PPP6R3: variants seen among roughly 807,000 people sequenced by gnomAD.
PPP6R3 encodes the protein protein phosphatase 6 regulatory subunit 3.
In PPP6R3, 38 loss-of-function variants were observed where a neutral mutation model predicts 110.7. The ratio of observed to expected loss-of-function variants is 0.34; its 90% CI spans 0.26 to 0.45. PPP6R3 has a LOEUF of 0.45. PPP6R3 is among the 20% of genes least tolerant of loss of function. The probability of loss-of-function intolerance (pLI) is 1.00; values close to 1 mark genes in which losing one functional copy is unlikely to be tolerated. For missense variants in PPP6R3, 870 were observed against 1,062.4 expected (o/e 0.82, Z 2.52); for synonymous variants, 369 against 373.5 (o/e 0.99, Z 0.14).
chr11:68,594,343 A>AGAGAGAGAGAGAGAGAGT (rs1252828026), intron 18 of PPP6R3, among the ~76,000 whole-genome samples: 143 of 148,408 alleles, frequency 9.6e-4, no homozygotes, highest in African/African-American at 3.4e-3. Flanking sequence ...AGTGAGAGAG[A>AGAGAGAGAGAGAGAGAGT]GAGTGAGAGA....
At chr11:68,532,451 C>T (rs756844852) in intron 2 of PPP6R3, among the ~76,000 whole-genome samples, 1 of 152,210 alleles carries the variant, frequency 6.6e-6, no homozygotes, top group Non-Finnish European at 1.5e-5. Context: ...CTTAATCCAA[C>T]TTACAAAAAA....
rs558477146 is a variant in PPP6R3, at chr11:68,563,292, C to T, written c.846-1011C>T. Among the ~76,000 whole-genome samples, 42 of 152,290 alleles carry T rather than the reference C, an allele frequency of 2.8e-4. 1 individual carries two copies. In the South Asian group the frequency reaches 7.1e-3, roughly 26 times the overall value. On this transcript the variant is annotated intron_variant, in intron 8 of 23. Transcript: ENST00000393800. ...TGGTGCTAGATTCCTTTCAGAGATACTAAGGCATTCCTCTTCCAGCTTCTA... is the reference window on the plus strand; with the variant it reads ...TGGTGCTAGATTCCTTTCAGAGATATTAAGGCATTCCTCTTCCAGCTTCTA...
Position 68,613,584 on chromosome 11 carries a change from G to A in PPP6R3, c.*467G>A. The A allele has an allele frequency of 1.0e-6, 1 of 986,040 alleles. No individual in the cohort carries two copies. The highest frequency in any genetic ancestry group is 1.2e-6 in the Non-Finnish European group (1 of 830,148). The allele number at this position is 986,040 out of a possible 1,614,324, so 61.1% of individuals were successfully genotyped here. A position where few individuals can be genotyped will look rare whatever the true frequency, so the allele number is the denominator to read the frequency against. Reference sequence around the variant, plus strand: ...CATTTTTCCTCCAGGCCGACAAGGAGTTGTAGAATGAAAATGCCCTCTAAG... The same window carrying A: ...CATTTTTCCTCCAGGCCGACAAGGAATTGTAGAATGAAAATGCCCTCTAAG... On this transcript the variant is annotated 3_prime_UTR_variant, in exon 24 of 24. Coordinates refer to ENST00000393800, the MANE Select transcript of PPP6R3 (RefSeq NM_001164161.2).
intron 14 of PPP6R3, among the ~76,000 whole-genome samples, chr11:68,581,697 C>G (rs1343158514): frequency 6.6e-6 from 1 of 152,242 alleles, no homozygotes; most frequent in Non-Finnish European, 1.5e-5. Context: ...TACACTCTGG[C>G]AAGGCTTTCC....
At chr11:68,570,048 T>C (rs966751132) in intron 11 of PPP6R3, 151 bp downstream of exon 11, 1 of 680,486 alleles carries the variant, frequency 1.5e-6, no homozygotes, top group Non-Finnish European at 2.3e-6. Context: ...ACTTTTAACA[T>C]ATAAATCATT....
intron 1 of PPP6R3, among the ~76,000 whole-genome samples, chr11:68,469,110 T>G (rs1266553724): frequency 6.6e-6 from 1 of 152,240 alleles, no homozygotes; most frequent in Non-Finnish European, 1.5e-5. Context: ...GTAAATATTT[T>G]AGGCATTGGA....
At chr11:68,568,140 A>G (rs1348749257) in intron 10 of PPP6R3, among the ~76,000 whole-genome samples, 1 of 152,078 alleles carries the variant, frequency 6.6e-6, no homozygotes, top group Non-Finnish European at 1.5e-5. Context: ...AGTATAGAGC[A>G]CAGAAAACAG....
At chr11:68,568,494 T>G (rs2099488343) in intron 10 of PPP6R3, among the ~76,000 whole-genome samples, 1 of 152,178 alleles carries the variant, frequency 6.6e-6, no homozygotes, top group African/African-American at 2.4e-5. Flanking sequence ...AAATATGGCA[T>G]TTTGTACTTT....
At chr11:68,549,850 T>C (rs1308703229) in intron 5 of PPP6R3, among the ~76,000 whole-genome samples, 1 of 152,108 alleles carries the variant, frequency 6.6e-6, no homozygotes, top group East Asian at 1.9e-4. Flanking sequence ...CCCCTAAATG[T>C]CTTTTGATTT....
chr11:68,489,371 C>G (rs1018039630), intron 1 of PPP6R3, among the ~76,000 whole-genome samples: 7 of 152,126 alleles, frequency 4.6e-5, no homozygotes, highest in Admixed American at 3.9e-4. Context: ...TTTTTATCTT[C>G]TTTCTTAGCA....
chr11:68,470,274 A>C (rs956721850), intron 1 of PPP6R3, among the ~76,000 whole-genome samples: 5 of 152,162 alleles, frequency 3.3e-5, no homozygotes, highest in Non-Finnish European at 7.3e-5. Flanking sequence ...GAAATACAGC[A>C]GTCAACAGAA....
At position 68,614,939 on chromosome 11, in the gene PPP6R3, C is replaced by G. The variant is rs957909225; in HGVS notation, c.*1822C>G. The G allele has an allele frequency of 1.4e-5, 9 of 656,162 alleles. No homozygotes were observed. The highest frequency in any genetic ancestry group is 1.2e-4 in the African/African-American group (7 of 56,040). The allele number at this position is 656,162 out of a possible 1,614,324, so 40.6% of individuals were successfully genotyped here. A position where few individuals can be genotyped will look rare whatever the true frequency, so the allele number is the denominator to read the frequency against. ...CAGCCATGGCCAGGGTTTGGCTCCA[C>G]TGGTGGCACACGTGGCCTCCGTGGT... On this transcript the variant is annotated 3_prime_UTR_variant, in exon 24 of 24. Coordinates refer to ENST00000393800, the MANE Select transcript of PPP6R3 (RefSeq NM_001164161.2).
chr11:68,558,292 A>G (rs1453142163), intron 7 of PPP6R3: 2 of 212,156 alleles, frequency 9.4e-6, no homozygotes, highest in Non-Finnish European at 1.9e-5. Flanking sequence ...GGCTCTCGAC[A>G]AAATTGGCAA....
chr11:68,466,433 C>CT (rs906791744), intron 1 of PPP6R3, among the ~76,000 whole-genome samples: 7,045 of 125,392 alleles, frequency 0.056, 622 homozygotes, highest in African/African-American at 0.16. Flanking sequence ...AGGACATTTT[C>CT]TTTTTTTTTT....
At chr11:68,587,667 C>T in intron 15 of PPP6R3, 1 of 520,102 alleles carries the variant, frequency 1.9e-6, no homozygotes, top group Non-Finnish European at 3.5e-6. Context: ...AAAGATAATT[C>T]ACAATAGAGG....
At chr11:68,505,697 G>C (rs2099072359) in intron 1 of PPP6R3, among the ~76,000 whole-genome samples, 2 of 152,300 alleles carry the variant, frequency 1.3e-5, no homozygotes, top group East Asian at 3.9e-4. Flanking sequence ...CAGGGGAGTG[G>C]GGTGGAACAA....
At chr11:68,528,999 T>C (rs2099219428) in intron 2 of PPP6R3, among the ~76,000 whole-genome samples, 1 of 152,214 alleles carries the variant, frequency 6.6e-6, no homozygotes, top group Admixed American at 6.5e-5. Context: ...AGAGGTTCGG[T>C]GTAAACACGT....
chr11:68,562,829 G>C (rs2153738800), intron 8 of PPP6R3, among the ~76,000 whole-genome samples: 1 of 152,266 alleles, frequency 6.6e-6, no homozygotes, highest in South Asian at 2.1e-4. Context: ...CTTTGTCTCA[G>C]AGTCATGTAC....
intron 16 of PPP6R3, 149 bp downstream of exon 16, chr11:68,588,173 T>C: frequency 2.7e-6 from 2 of 734,266 alleles, no homozygotes; most frequent in South Asian, 3.3e-5. Context: ...TCCAGCAGAT[T>C]GGCCCTGGGA....
Sources: gnomAD v4.1 joint callset for allele counts (sites outside exome capture counted in the v4.1 genomes callset) on GRCh38, gnomAD v4.1.1 for gene constraint, MANE v1.5 for transcripts, NCBI Gene and HGNC (gene_info 2026-07-23, HGNC 2026-07-21) for gene names.